The following AATF variants were observed in gnomAD, a reference collection of about 807,000 sequenced individuals.
AATF encodes protein AATF.
A neutral mutation model predicts 63.7 loss-of-function variants in AATF; 48 were observed. The observed-to-expected ratio is 0.75, with a 90% confidence interval of 0.60 to 0.96. The LOEUF is 0.96. Among genes scored for constraint, AATF ranks in the 40% least tolerant of loss-of-function variants. The pLI, the probability that AATF is intolerant of heterozygous loss-of-function variation, is 0.00. For synonymous variants in AATF, 258 were observed against 247.7 expected (o/e 1.04, Z -0.39); for missense variants, 639 against 685.7 (o/e 0.93, Z 0.76).
chr17:37,003,131 G>A (rs996526078), intron 8 of AATF, among the ~76,000 whole-genome samples: 3 of 152,108 alleles, frequency 2.0e-5, no homozygotes, highest in South Asian at 2.1e-4. Flanking sequence ...TTGAGAGTCC[G>A]GAAGTTAACC....
intron 4 of AATF, among the ~76,000 whole-genome samples, chr17:36,965,264 G>T (rs924453776): frequency 6.6e-6 from 1 of 152,142 alleles, no homozygotes; most frequent in Non-Finnish European, 1.5e-5. Flanking sequence ...GGCTCTAGGG[G>T]AGAAATCTGT....
chr17:37,021,082 G>C, intron 10 of AATF, 68 bp downstream of exon 10: 1 of 1,151,902 alleles, frequency 8.7e-7, no homozygotes, highest in Non-Finnish European at 1.2e-6. Flanking sequence ...CATTCTGGCT[G>C]TTATGTCATT....
At position 36,960,094 on chromosome 17, in the gene AATF, A is replaced by G. The variant is rs566590312; in HGVS notation, c.832+6187A>G. 7.2e-5 allele frequency among the ~76,000 whole-genome samples: 11 copies of G among 151,778 alleles called. No homozygotes were observed. In the East Asian group the frequency reaches 1.7e-3, roughly 24 times the overall value. On this transcript the variant is annotated intron_variant, in intron 4 of 11. Coordinates refer to ENST00000619387, the MANE Select transcript of AATF (RefSeq NM_012138.4). ...AGTGGTGCGACCTTGGCTCACTGCA[A>G]CCTCTGCCTCCCGGGTTTAAGTGAT...
At chr17:36,996,366 C>T (rs2071254907) in intron 8 of AATF, among the ~76,000 whole-genome samples, 1 of 152,004 alleles carries the variant, frequency 6.6e-6, no homozygotes, top group South Asian at 2.1e-4. Flanking sequence ...ACCAGGAGGT[C>T]GAAGCTACGG....
intron 8 of AATF, among the ~76,000 whole-genome samples, chr17:36,996,513 A>G (rs1464236290): frequency 6.6e-6 from 1 of 152,228 alleles, no homozygotes; most frequent in East Asian, 1.9e-4. Flanking sequence ...TAATGGTATT[A>G]AAAACAACTC....
chr17:36,949,212 G>A lies in AATF; in HGVS notation c.87G>A (p.Glu29=), dbSNP rs778372354. Residue 29 remains glutamate, a synonymous_variant, in exon 1 of 12, where the codon GAG becomes GAA. Coordinates refer to ENST00000619387, the MANE Select transcript of AATF (RefSeq NM_012138.4). The part of the protein sequence containing the change: ...PSEADPEADP[E]EATAARVIDR... The stretch of plus-strand genomic sequence containing the variant: ...AGGCGGACCCTGAAGCGGACCCCGA[G>A]GAAGGTGAGGCCGGACTGGGGCAGG... 5.0e-6 allele frequency: 8 copies of A among 1,589,964 alleles called. No individual in the cohort carries two copies. The Admixed American group carries it at 1.4e-4, about 29-fold the overall frequency.
intron 4 of AATF, among the ~76,000 whole-genome samples, chr17:36,970,320 G>A (rs1026656364): frequency 2.6e-5 from 4 of 152,080 alleles, no homozygotes; most frequent in Non-Finnish European, 5.9e-5. Context: ...TGTATAGGTA[G>A]GTTACAGAAC....
Position 36,963,589 on chromosome 17 carries a change from G to A in AATF, c.832+9682G>A, listed in dbSNP as rs183023734. Among the ~76,000 whole-genome samples, 47 of 152,202 alleles carry A rather than the reference G, an allele frequency of 3.1e-4. 2 individuals are homozygous for A. The highest frequency in any genetic ancestry group is 5.9e-5 in the Non-Finnish European group (4 of 67,982). On this transcript the variant is annotated intron_variant, in intron 4 of 11. Transcript: ENST00000619387. ...ATGTCTTAAAACCTGTTCTTAAATTGTTTTTTTAAAATCACACAGGAGTAA... is the reference window on the plus strand; with the variant it reads ...ATGTCTTAAAACCTGTTCTTAAATTATTTTTTTAAAATCACACAGGAGTAA...
intron 4 of AATF, among the ~76,000 whole-genome samples, chr17:36,980,621 GT>G (rs902010381): frequency 2.6e-5 from 4 of 151,502 alleles, no homozygotes; most frequent in Non-Finnish European, 4.4e-5. Flanking sequence ...ATAGAGAGTG[GT>G]TTTTTTTTAA....
intron 11 of AATF, chr17:37,055,591 C>T (rs1427635442): frequency 1.3e-5 from 2 of 152,226 alleles, no homozygotes; most frequent in African/African-American, 2.4e-5. Context: ...TGAGAATATC[C>T]GAGCAGGTGT....
intron 11 of AATF, among the ~76,000 whole-genome samples, chr17:37,046,894 C>T (rs2071698223): frequency 6.6e-6 from 1 of 152,124 alleles, no homozygotes; most frequent in South Asian, 2.1e-4. Context: ...TGAAGCATCC[C>T]CTAGCTTTTA....
intron 8 of AATF, among the ~76,000 whole-genome samples, chr17:37,001,466 AAAAG>A (rs1227568670): frequency 1.3e-5 from 2 of 151,658 alleles, no homozygotes; most frequent in Admixed American, 6.6e-5. Flanking sequence ...AAAAAAAAAA[AAAAG>A]GAACATAAAA....
chr17:36,951,842 C>T (rs1305514972), intron 2 of AATF, among the ~76,000 whole-genome samples: 3 of 152,278 alleles, frequency 2.0e-5, no homozygotes, highest in South Asian at 2.1e-4. Flanking sequence ...TTTAAAGAAG[C>T]GCTGAAGACC....
intron 5 of AATF, among the ~76,000 whole-genome samples, chr17:36,988,312 T>G (rs1471171622): frequency 6.6e-6 from 1 of 151,766 alleles, no homozygotes; most frequent in African/African-American, 2.4e-5. Flanking sequence ...CAAGACTGTC[T>G]CAAAAAAAAA....
rs2071383677 is a variant in AATF, at chr17:37,010,662, T to C, written c.1399-8343T>C. Reference sequence around the variant, plus strand: ...AAGAACAGCAAAGGTATGGTGCATGTGTGTGAGTGCAGCTGTGGTTAAGAA... The same window carrying C: ...AAGAACAGCAAAGGTATGGTGCATGCGTGTGAGTGCAGCTGTGGTTAAGAA... On this transcript the variant is annotated intron_variant, in intron 8 of 11. Transcript: ENST00000619387. Among the ~76,000 whole-genome samples, 4 of 152,162 alleles carry C rather than the reference T, an allele frequency of 2.6e-5. No homozygotes were observed. The South Asian group carries it at 8.3e-4, about 32-fold the overall frequency.
rs373309876 is a variant in AATF at position 36,949,225 on chromosome 17, G to T, written c.91+9G>T. 2.5e-6 allele frequency: 4 copies of T among 1,582,260 alleles called. No homozygotes were observed. The highest frequency in any genetic ancestry group is 2.3e-5 in the South Asian group (2 of 86,312). ...AGCGGACCCCGAGGAAGGTGAGGCC[G>T]GACTGGGGCAGGCCACGTGCGGAGC... On this transcript the variant is annotated intron_variant, in intron 1 of 11. Coordinates refer to ENST00000619387, the MANE Select transcript of AATF (RefSeq NM_012138.4).
At chr17:36,949,324 T>C (rs1189508697) in intron 1 of AATF, 108 bp downstream of exon 1, 1 of 1,093,624 alleles carries the variant, frequency 9.1e-7, no homozygotes, top group Non-Finnish European at 1.3e-6. Flanking sequence ...CTGCGCTCCT[T>C]CGCTTGGCGC....
intron 11 of AATF, among the ~76,000 whole-genome samples, chr17:37,040,319 C>T (rs927914099): frequency 3.3e-5 from 5 of 152,266 alleles, no homozygotes; most frequent in East Asian, 1.9e-4. Context: ...AGTTATCCTT[C>T]GCTCTGATTT....
At chr17:36,985,844 C>T (rs35072423) in intron 4 of AATF, among the ~76,000 whole-genome samples, 11,133 of 152,144 alleles carry the variant, frequency 0.073, 525 homozygotes, top group Non-Finnish European at 0.11. Context: ...CCACAGCGCC[C>T]GGCCGACCAG....
Sources: allele counts gnomAD v4.1 joint callset (sites outside exome capture counted in the v4.1 genomes callset), GRCh38; gene constraint gnomAD v4.1.1; transcripts MANE v1.5; gene names NCBI Gene and HGNC (gene_info 2026-07-23, HGNC 2026-07-21).